Variants in NRG1 observed in about 807,000 individuals in gnomAD.
NRG1 encodes pro-neuregulin-1, membrane-bound isoform.
Under a neutral mutation model 63.8 loss-of-function variants are expected in NRG1, and 18 were observed. The ratio of observed to expected loss-of-function variants is 0.28; its 90% CI spans 0.19 to 0.42. The LOEUF (loss-of-function observed/expected upper bound fraction) is 0.42, where lower values mean the gene tolerates loss of function less well. Among genes scored for constraint, NRG1 ranks in the 10% least tolerant of loss-of-function variants. The pLI is 1.00. For synonymous variants in NRG1, 302 were observed against 301.3 expected (o/e 1.00, Z -0.02); for missense variants, 762 against 814.7 (o/e 0.94, Z 0.79).
intron 1 of NRG1, among the ~76,000 whole-genome samples, chr8:32,254,766 G>T (rs961962486): frequency 9.9e-5 from 15 of 152,186 alleles, no homozygotes; most frequent in African/African-American, 3.4e-4. Context: ...AATGTTGACA[G>T]TCAGGTATTA....
At chr8:32,194,480 C>T (rs1013421519) in intron 1 of NRG1, among the ~76,000 whole-genome samples, 1 of 152,064 alleles carries the variant, frequency 6.6e-6, no homozygotes, top group Admixed American at 6.6e-5. Context: ...AATGCATTTA[C>T]ACATCATCCA....
At chr8:32,687,988 T>C (rs990075144) in intron 5 of NRG1, among the ~76,000 whole-genome samples, 1 of 152,108 alleles carries the variant, frequency 6.6e-6, no homozygotes, top group African/African-American at 2.4e-5. Context: ...ACAATGGGGA[T>C]TACAATTCAA....
intron 1 of NRG1, among the ~76,000 whole-genome samples, chr8:32,349,279 C>T (rs1805292759): frequency 6.6e-6 from 1 of 152,214 alleles, no homozygotes; most frequent in African/African-American, 2.4e-5. Context: ...TGGCAGACTA[C>T]ATGGATATGA....
chr8:31,853,099 T>G (rs1477301605), intron 1 of NRG1, among the ~76,000 whole-genome samples: 4 of 152,136 alleles, frequency 2.6e-5, no homozygotes, highest in Admixed American at 6.5e-5. Context: ...TGCGGGCTCT[T>G]TTTTGGTTCC....
chr8:32,581,993 G>T (rs1840722098), intron 1 of NRG1, among the ~76,000 whole-genome samples: 1 of 152,148 alleles, frequency 6.6e-6, no homozygotes, highest in African/African-American at 2.4e-5. Context: ...AGTGCCATCT[G>T]GTGAGCCCAG....
At chr8:32,081,116 T>G (rs1827396617) in intron 1 of NRG1, among the ~76,000 whole-genome samples, 1 of 152,084 alleles carries the variant, frequency 6.6e-6, no homozygotes, top group African/African-American at 2.4e-5. Context: ...CTCCTAGAAA[T>G]ATTCAGAATA....
At chr8:32,609,258 C>A (rs1845870965) in intron 3 of NRG1, among the ~76,000 whole-genome samples, 1 of 152,264 alleles carries the variant, frequency 6.6e-6, no homozygotes. Flanking sequence ...CCCTTATCCT[C>A]TTCCACTGCT....
At chr8:32,164,039 G>A (rs568100645) in intron 1 of NRG1, among the ~76,000 whole-genome samples, 12 of 152,262 alleles carry the variant, frequency 7.9e-5, no homozygotes, top group East Asian at 3.9e-4. Context: ...ATGTGAGTGC[G>A]TGAACATTCG....
At chr8:31,726,066 A>G (rs1040174256) in intron 1 of NRG1, among the ~76,000 whole-genome samples, 2 of 152,174 alleles carry the variant, frequency 1.3e-5, no homozygotes, top group Non-Finnish European at 2.9e-5. Context: ...CCACTTTATT[A>G]TAGGAGATAG....
intron 1 of NRG1, among the ~76,000 whole-genome samples, chr8:31,894,307 A>C (rs1831383283): frequency 6.6e-6 from 1 of 152,176 alleles, no homozygotes; most frequent in East Asian, 1.9e-4. Context: ...TGAAAGTCAA[A>C]TATTCATCAA....
chr8:32,292,069 T>C (rs1235437691), intron 1 of NRG1, among the ~76,000 whole-genome samples: 2 of 152,176 alleles, frequency 1.3e-5, no homozygotes, highest in African/African-American at 4.8e-5. Flanking sequence ...CAACATTACA[T>C]GTGCATTTAC....
intron 1 of NRG1, among the ~76,000 whole-genome samples, chr8:31,934,331 G>A (rs770194418): frequency 2.5e-4 from 37 of 148,560 alleles, no homozygotes; most frequent in South Asian, 1.1e-3. Flanking sequence ...ATATGTGTGT[G>A]TATATATACA....
chr8:32,004,574 A>G (rs1813450951), intron 1 of NRG1, among the ~76,000 whole-genome samples: 1 of 151,848 alleles, frequency 6.6e-6, no homozygotes, highest in African/African-American at 2.4e-5. Flanking sequence ...TAAATCTAAT[A>G]CTGTTTAAAA....
At chr8:32,090,541 G>A (rs1037256761) in intron 1 of NRG1, among the ~76,000 whole-genome samples, 46 of 152,148 alleles carry the variant, frequency 3.0e-4, no homozygotes, top group Non-Finnish European at 2.1e-4. Context: ...GGTTGTTCTC[G>A]AACTCTTGAC....
intron 1 of NRG1, among the ~76,000 whole-genome samples, chr8:32,397,840 T>C (rs1339739561): frequency 6.6e-6 from 1 of 152,218 alleles, no homozygotes; most frequent in Non-Finnish European, 1.5e-5. Context: ...TCTTTCTTTG[T>C]CTTAGTCTTC....
rs976877081 is a variant in NRG1, at chr8:32,717,394, T to G, written c.503-10555T>G. 6.6e-5 allele frequency among the ~76,000 whole-genome samples: 10 copies of G among 152,182 alleles called. No individual in the cohort carries two copies. The East Asian group carries it at 1.7e-3, about 26-fold the overall frequency. ...ATTTTCATGTGTTATTTGGTTACCA[T>G]AGAATTTGTACTGGAAACCTAACAG... is the stretch of plus-strand genomic sequence containing the variant. On this transcript the variant is annotated intron_variant, in intron 5 of 11. Transcript: ENST00000356819.
intron 1 of NRG1, among the ~76,000 whole-genome samples, chr8:31,677,738 C>T (rs747594989): frequency 1.5e-4 from 23 of 152,148 alleles, no homozygotes; most frequent in Non-Finnish European, 2.8e-4. Flanking sequence ...ACTACAAATT[C>T]GAAGTTGTCC....
At chr8:32,149,995 T>C (rs950319816) in intron 1 of NRG1, among the ~76,000 whole-genome samples, 1 of 152,246 alleles carries the variant, frequency 6.6e-6, no homozygotes, top group Non-Finnish European at 1.5e-5. Context: ...GGCTAGAATT[T>C]TTTAAAAATC....
In NRG1 at chr8:31,935,439, G is replaced by A. The variant is rs942026367; in HGVS notation, c.37+296008G>A. Among the ~76,000 whole-genome samples the A allele has an allele frequency of 6.6e-5, 10 of 150,640 alleles. No individual in the cohort carries two copies. The South Asian group carries it at 2.1e-3, about 32-fold the overall frequency. On this transcript the variant is annotated intron_variant, in intron 1 of 10. Transcript: ENST00000519301. ...CACCCAGCCTAATATTTTATTTTTT[G>A]TAGACACAGGGTCCCCTTATGTTGC...
Sources: gnomAD v4.1 joint callset for allele counts (sites outside exome capture counted in the v4.1 genomes callset) on GRCh38, gnomAD v4.1.1 for gene constraint, MANE v1.5 for transcripts, NCBI Gene and HGNC (gene_info 2026-07-23, HGNC 2026-07-21) for gene names.